Variants in THSD7B observed in about 807,000 individuals in gnomAD.
The protein encoded by THSD7B is thrombospondin type-1 domain-containing protein 7B.
THSD7B carries 138 observed loss-of-function variants against 213.6 expected under a neutral mutation model. The observed-to-expected ratio is 0.65, with a 90% CI of 0.56 to 0.74. The LOEUF (loss-of-function observed/expected upper bound fraction) is 0.74, where lower values mean the gene tolerates loss of function less well. Ranked by LOEUF, THSD7B falls within the 30% of genes least tolerant of loss-of-function variation. THSD7B has a pLI of 0.00. For missense variants in THSD7B, 1,931 were observed against 1,991.5 expected, an observed-to-expected ratio of 0.97 and a Z score of 0.58; for synonymous variants, 742 against 687.0, an observed-to-expected ratio of 1.08 and a Z score of -1.25.
At chr2:137,433,706 T>G (rs1687233950) in intron 14 of THSD7B, among the ~76,000 whole-genome samples, 2 of 152,046 alleles carry the variant, frequency 1.3e-5, no homozygotes, top group Admixed American at 6.6e-5. Context: ...GCATGTTTTA[T>G]AAATCACTTC....
At chr2:137,479,688 C>G (rs1010203617) in intron 15 of THSD7B, among the ~76,000 whole-genome samples, 1 of 152,178 alleles carries the variant, frequency 6.6e-6, no homozygotes, top group Admixed American at 6.5e-5. Context: ...GCCCTGGCAG[C>G]AGCATCTAGA....
intron 1 of THSD7B, among the ~76,000 whole-genome samples, chr2:136,842,026 A>G (rs1162239462): frequency 6.6e-6 from 1 of 152,252 alleles, no homozygotes; most frequent in Non-Finnish European, 1.5e-5. Flanking sequence ...ATGGAATGTC[A>G]TACCTACTAT....
intron 15 of THSD7B, among the ~76,000 whole-genome samples, chr2:137,482,785 T>C (rs1315066709): frequency 6.6e-6 from 1 of 152,106 alleles, no homozygotes; most frequent in Non-Finnish European, 1.5e-5. Flanking sequence ...CTACCCTGAT[T>C]GTGTTCCAGC....
At chr2:137,062,706 G>A (rs1687300307) in intron 3 of THSD7B, among the ~76,000 whole-genome samples, 2 of 151,700 alleles carry the variant, frequency 1.3e-5, no homozygotes, top group South Asian at 4.1e-4. Flanking sequence ...ATTTGTTAAG[G>A]TGTGTTTCAT....
chr2:137,314,239 C>T lies in THSD7B; in HGVS notation c.2500+38213C>T, dbSNP rs1397497288. ...TCTTTTTTCTCTAAACTTCCCTTCT[C>T]GCTTCATTTCATTCATTTCATCTTC... On this transcript the variant is annotated intron_variant, in intron 12 of 27. Coordinates refer to ENST00000409968, the MANE Select transcript of THSD7B (RefSeq NM_001316349.2). 9.8e-5 allele frequency among the ~76,000 whole-genome samples: 15 copies of T among 152,290 alleles called. No individual in the cohort carries two copies. The East Asian group carries it at 2.3e-3, about 24-fold the overall frequency.
At position 137,126,690 on chromosome 2, in the gene THSD7B, G is replaced by C. The variant is rs1688634784; in HGVS notation, c.1369+11397G>C. Among the ~76,000 whole-genome samples, 3 of 152,222 alleles carry C rather than the reference G, an allele frequency of 2.0e-5. No individual in the cohort carries two copies. In the South Asian group the frequency reaches 6.2e-4, roughly 32 times the overall value. ...CTCAAAAACTTTTTCTTTGCATTCA[G>C]AACTGGGCTAATTGTTTGACACAGA... On this transcript the variant is annotated intron_variant, in intron 5 of 27. Coordinates refer to ENST00000409968, the MANE Select transcript of THSD7B (RefSeq NM_001316349.2).
chr2:137,115,870 C>G (rs535665011), intron 5 of THSD7B, among the ~76,000 whole-genome samples: 10 of 152,184 alleles, frequency 6.6e-5, no homozygotes, highest in African/African-American at 2.2e-4. Flanking sequence ...TATTTAGAGA[C>G]TGGGAAACTT....
intron 3 of THSD7B, among the ~76,000 whole-genome samples, chr2:137,076,099 G>A (rs1163434545): frequency 1.3e-5 from 2 of 152,162 alleles, no homozygotes; most frequent in Non-Finnish European, 2.9e-5. Flanking sequence ...GAGAACCACT[G>A]CTCTCTTCAA....
chr2:137,202,931 T>G (rs1237637843), intron 7 of THSD7B, among the ~76,000 whole-genome samples: 3 of 152,100 alleles, frequency 2.0e-5, no homozygotes, highest in African/African-American at 7.2e-5. Context: ...AGATGATGGC[T>G]AGATAATGGA....
chr2:137,673,813 G>A (rs1683634023), intron 27 of THSD7B, among the ~76,000 whole-genome samples: 1 of 152,118 alleles, frequency 6.6e-6, no homozygotes, highest in Middle Eastern at 3.2e-3. Flanking sequence ...TCTATTCAAA[G>A]CCATAAAACT....
intron 20 of THSD7B, among the ~76,000 whole-genome samples, chr2:137,638,853 G>A (rs1682883827): frequency 6.6e-6 from 1 of 152,148 alleles, no homozygotes; most frequent in South Asian, 2.1e-4. Flanking sequence ...GAACTTGAGA[G>A]AGATAATTTA....
chr2:137,081,787 T>C (rs1687751669), intron 3 of THSD7B, among the ~76,000 whole-genome samples: 1 of 152,168 alleles, frequency 6.6e-6, no homozygotes, highest in Admixed American at 6.5e-5. Context: ...TTTATTTCAA[T>C]GTCTATTTAT....
intron 16 of THSD7B, among the ~76,000 whole-genome samples, chr2:137,568,445 A>C (rs2105230231): frequency 6.6e-6 from 1 of 152,296 alleles, no homozygotes; most frequent in East Asian, 1.9e-4. Flanking sequence ...TTATTAAATC[A>C]TATGTGAAAT....
At chr2:137,537,918 G>T (rs1680536305) in intron 15 of THSD7B, among the ~76,000 whole-genome samples, 1 of 151,676 alleles carries the variant, frequency 6.6e-6, no homozygotes, top group Admixed American at 6.6e-5. Context: ...AAAGATGGCA[G>T]TAATTAAACT....
chr2:136,973,711 A>G (rs1402234435), intron 2 of THSD7B, among the ~76,000 whole-genome samples: 1 of 152,208 alleles, frequency 6.6e-6, no homozygotes, highest in Non-Finnish European at 1.5e-5. Context: ...TTTTGCTAGT[A>G]CATTCTTGCA....
intron 15 of THSD7B, among the ~76,000 whole-genome samples, chr2:137,477,182 T>C (rs556203466): frequency 6.6e-6 from 1 of 152,340 alleles, no homozygotes; most frequent in Non-Finnish European, 1.5e-5. Flanking sequence ...TTTATAAATC[T>C]TGGTCCTCTG....
chr2:136,937,082 C>A (rs894910540), intron 2 of THSD7B, among the ~76,000 whole-genome samples: 9 of 152,082 alleles, frequency 5.9e-5, no homozygotes. Context: ...AGCACCGTAA[C>A]AAGAAACCTC....
intron 2 of THSD7B, among the ~76,000 whole-genome samples, chr2:136,978,238 T>C (rs1431192666): frequency 2.0e-5 from 3 of 152,234 alleles, no homozygotes; most frequent in Non-Finnish European, 4.4e-5. Context: ...GTAAGTGCAA[T>C]GTTGTACCGA....
At chr2:137,575,810 T>C (rs1681448894) in intron 17 of THSD7B, among the ~76,000 whole-genome samples, 2 of 151,654 alleles carry the variant, frequency 1.3e-5, no homozygotes, top group African/African-American at 4.8e-5. Flanking sequence ...TAATTGTGCA[T>C]ACAATAACCT....
Sources: gnomAD v4.1 joint callset for allele counts (sites outside exome capture counted in the v4.1 genomes callset) on GRCh38, gnomAD v4.1.1 for gene constraint, MANE v1.5 for transcripts, NCBI Gene and HGNC (gene_info 2026-07-23, HGNC 2026-07-21) for gene names.